Variants in NSD2 observed in about 807,000 individuals in gnomAD.
NSD2 encodes histone-lysine N-methyltransferase NSD2.
A neutral mutation model predicts 139.0 loss-of-function variants in NSD2; 12 were observed. That is an observed-to-expected ratio of 0.09 (90% CI 0.06 to 0.14). The LOEUF (loss-of-function observed/expected upper bound fraction) is 0.14. Ranked by LOEUF, NSD2 falls within the 10% of genes least tolerant of loss-of-function variation. The pLI is 1.00. For missense variants in NSD2, 1,155 were observed against 1,745.0 expected (o/e 0.66, Z 6.02); for synonymous variants, 669 against 648.7 (o/e 1.03, Z -0.48).
chr4:1,923,395 C>A (rs544288317), intron 5 of NSD2, among the ~76,000 whole-genome samples: 1 of 151,898 alleles, frequency 6.6e-6, no homozygotes, highest in African/African-American at 2.4e-5. Context: ...TGTAAAGAGC[C>A]GAAACAATTC....
intron 1 of NSD2, among the ~76,000 whole-genome samples, chr4:1,898,360 A>T (rs751999035): frequency 3.9e-5 from 6 of 152,100 alleles, no homozygotes; most frequent in Non-Finnish European, 7.4e-5. Context: ...GCCTGACCAC[A>T]TTCCCCTTAA....
intron 3 of NSD2, among the ~76,000 whole-genome samples, chr4:1,904,991 G>A (rs1225406320): frequency 6.6e-6 from 1 of 152,102 alleles, no homozygotes; most frequent in African/African-American, 2.4e-5. Flanking sequence ...TTAGCCGGAC[G>A]TGGTGGTGCA....
At chr4:1,925,045 TG>T (rs1720683007) in intron 5 of NSD2, among the ~76,000 whole-genome samples, 3 of 152,336 alleles carry the variant, frequency 2.0e-5, no homozygotes, top group Admixed American at 2.0e-4. Context: ...TCTGGCTGGG[TG>T]GTTTTGAAGA....
In NSD2 at chr4:1,942,817, C is replaced by G; in HGVS notation, c.1881+3039C>G. On this transcript the variant is annotated intron_variant, in intron 9 of 21. Transcript: ENST00000508803. This position sits in a 1 kb window ranked among gnomAD's most constrained non-coding sequence, Gnocchi z 4.0. ...CCCTCAGAAACAAACTAACAGCACA[C>G]GTTAGGAGGAGTCCTCATCAGCTGT... 3 of 1,072,964 alleles carry G rather than the reference C, an allele frequency of 2.8e-6. No individual in the cohort carries two copies. Among genetic ancestry groups the G allele is most frequent in the Non-Finnish European group, 2.3e-6 (2 of 883,434 alleles). The allele number at this position is 1,072,964 out of a possible 1,614,324, so 66.5% of individuals were successfully genotyped here.
In NSD2 at chr4:1,978,808, G is replaced by A; in HGVS notation, c.3997G>A (p.Val1333Ile). ...CCEHDLGAAS[V>I]RSTKTEKPPP... is the part of the protein sequence containing the mutation. The stretch of plus-strand genomic sequence containing the variant: ...TGAGCATGACTTAGGGGCGGCATCG[G>A]TCAGAAGCACCAAGACTGAGAAGCC... Residue 1333 changes from valine to isoleucine, a missense_variant, in exon 22 of 22, where the codon GTC (valine) becomes ATC (isoleucine). Physicochemically the swap from Val to Ile is conservative, Grantham distance 29 (BLOSUM62 3). Transcript: ENST00000508803. 6.2e-7 allele frequency: 1 copy of A among 1,611,942 alleles called. No homozygotes were observed. Among genetic ancestry groups the A allele is most frequent in the Non-Finnish European group, 8.5e-7 (1 of 1,178,414 alleles).
intron 18 of NSD2, among the ~76,000 whole-genome samples, chr4:1,970,068 G>A (rs763089072): frequency 1.2e-4 from 18 of 152,166 alleles, no homozygotes; most frequent in Non-Finnish European, 2.4e-4. Context: ...AGAAAGAGAA[G>A]GATGCGAGTG....
chr4:1,932,149 A>G (rs920289622), intron 6 of NSD2, among the ~76,000 whole-genome samples: 2 of 152,242 alleles, frequency 1.3e-5, no homozygotes, highest in East Asian at 3.9e-4. Flanking sequence ...AGAAATCTAC[A>G]CAGATGTCTG....
intron 1 of NSD2, among the ~76,000 whole-genome samples, chr4:1,885,574 T>C (rs1209777411): frequency 1.3e-5 from 2 of 152,192 alleles, no homozygotes; most frequent in Admixed American, 6.5e-5. Context: ...CATTTCTGCC[T>C]CTGGGGAGTC....
chr4:1,933,690 G>A (rs567659588), intron 6 of NSD2, among the ~76,000 whole-genome samples: 6 of 152,192 alleles, frequency 3.9e-5, no homozygotes, highest in Admixed American at 1.3e-4. Context: ...CACCGCGCCC[G>A]GCCCTGCAAG....
intron 3 of NSD2, chr4:1,912,130 G>A (rs1489257257): frequency 4.9e-6 from 2 of 406,902 alleles, no homozygotes; most frequent in Non-Finnish European, 9.8e-6. Context: ...TTAAAAACAA[G>A]TCAAATTGTA....
chr4:1,969,667 A>G (rs879389400), intron 18 of NSD2, among the ~76,000 whole-genome samples: 3 of 152,116 alleles, frequency 2.0e-5, no homozygotes, highest in Admixed American at 2.0e-4. Context: ...AAGGTCCTGT[A>G]CAATTGTGCT....
At chr4:1,904,178 G>A in intron 2 of NSD2, 38 bp from the exon 3 acceptor site, 2 of 1,598,924 alleles carry the variant, frequency 1.3e-6, no homozygotes, top group East Asian at 2.2e-5. Flanking sequence ...GGTAGTGATT[G>A]GATGTGTTAG....
chr4:1,965,648 C>T (rs1421886632), intron 18 of NSD2, among the ~76,000 whole-genome samples: 5 of 152,152 alleles, frequency 3.3e-5, no homozygotes, highest in African/African-American at 1.2e-4. Flanking sequence ...GAGATACTAC[C>T]CAAGACTGGG....
intron 2 of NSD2, among the ~76,000 whole-genome samples, chr4:1,903,398 C>T (rs1173432941): frequency 6.6e-6 from 1 of 152,144 alleles, no homozygotes; most frequent in African/African-American, 2.4e-5. Context: ...GAAATTGAGG[C>T]TCAGAGAGCC....
At chr4:1,887,745 GA>G (rs1715225226) in intron 1 of NSD2, 1 of 152,184 alleles carries the variant, frequency 6.6e-6, no homozygotes, top group South Asian at 2.1e-4. Flanking sequence ...CATACACTGT[GA>G]TGGATAATAT....
At chr4:1,937,601 A>T (rs984553217) in intron 7 of NSD2, among the ~76,000 whole-genome samples, 1 of 152,164 alleles carries the variant, frequency 6.6e-6, no homozygotes, top group Non-Finnish European at 1.5e-5. Flanking sequence ...ACCACATATG[A>T]CACCCAATGT....
chr4:1,978,475 CGCCCGGG>C (rs1727363518), intron 21 of NSD2, among the ~76,000 whole-genome samples, 156 bp from the exon 22 acceptor site: 1 of 152,162 alleles, frequency 6.6e-6, no homozygotes, highest in Non-Finnish European at 1.5e-5. Context: ...CCAGGGAGCC[CGCCCGGG>C]CTGTGGTAGA....
rs1317326083 is a variant in NSD2 at position 1,976,553 on chromosome 4, G to A, written c.3700G>A (p.Gly1234Arg). 1.2e-6 allele frequency: 2 copies of A among 1,613,912 alleles called. No individual in the cohort carries two copies. The highest frequency in any genetic ancestry group is 1.7e-6 in the Non-Finnish European group (2 of 1,179,940). Residue 1234 changes from glycine to arginine, a missense_variant, in exon 21 of 22, where the codon GGG (glycine) becomes AGG (arginine). Physicochemically the swap from Gly to Arg is moderately radical, Grantham distance 125. Coordinates refer to ENST00000508803, the MANE Select transcript of NSD2 (RefSeq NM_001042424.3). This position sits in a 1 kb window ranked among gnomAD's most constrained non-coding sequence, Gnocchi z 5.3. ...GAGGCGGCGCAGAGCAAAAGGGGAA[G>A]GGAAGAGGCAGTCAGAGGACGAGTG... ...KTRRRRAKGE[G>R]KRQSEDECFR...
At chr4:1,968,427 G>T (rs2108999834) in intron 18 of NSD2, among the ~76,000 whole-genome samples, 1 of 152,326 alleles carries the variant, frequency 6.6e-6, no homozygotes, top group African/African-American at 2.4e-5. Context: ...TGTTCTGTGA[G>T]GGTGGAGGGA....
Sources: allele counts gnomAD v4.1 joint callset (sites outside exome capture counted in the v4.1 genomes callset), GRCh38; gene constraint gnomAD v4.1.1; non-coding constraint Gnocchi (gnomAD v3.1); transcripts MANE v1.5; gene names NCBI Gene and HGNC (gene_info 2026-07-23, HGNC 2026-07-21).